CAMKK1: variants seen among roughly 807,000 people sequenced by gnomAD.
CAMKK1 encodes the protein calcium/calmodulin dependent protein kinase kinase 1, also known as calcium/calmodulin-dependent protein kinase kinase 1.
In CAMKK1, 20 loss-of-function variants were observed where a neutral mutation model predicts 63.5. The observed-to-expected ratio is 0.32, with a 90% CI of 0.22 to 0.46. The LOEUF is 0.46. Among genes scored for constraint, CAMKK1 ranks in the 20% least tolerant of loss-of-function variants. The pLI, the probability that CAMKK1 is intolerant of heterozygous loss-of-function variation, is 1.00. For missense variants in CAMKK1, 588 were observed against 658.1 expected, an observed-to-expected ratio of 0.89 and a Z score of 1.17; for synonymous variants, 253 against 269.0, an observed-to-expected ratio of 0.94 and a Z score of 0.58.
Position 3,882,155 on chromosome 17 carries a change from C to T in CAMKK1, c.685+373G>A. 2.7e-6 allele frequency: 2 copies of T among 752,914 alleles called. No homozygotes were observed. Among genetic ancestry groups the T allele is most frequent in the East Asian group, 2.5e-5 (1 of 40,352 alleles). The allele number at this position is 752,914 out of a possible 1,614,324, so 46.6% of individuals were successfully genotyped here. A position where few individuals can be genotyped will look rare whatever the true frequency, so the allele number is the denominator to read the frequency against. The stretch of plus-strand genomic sequence containing the variant: ...TACTCATTTACTCTTCACAGGAACC[C>T]TATGAGGTAGACACCACTAGTATCC... On this transcript the variant is annotated intron_variant, in intron 7 of 15. Transcript: ENST00000348335. The surrounding 1 kb of genome is among the most constrained non-coding windows in gnomAD (Gnocchi z 4.3).
rs1312959899 is a variant in CAMKK1, at chr17:3,870,368, GTTC to G, written c.1125-483_1125-481del. ...CAACTCTCTCTGCCCAAACCCCAGG[GTTC>G]TTTTTTTTTTTTGAGATGGAGTCTC... On this transcript the variant is annotated intron_variant, in intron 12 of 15. Coordinates refer to ENST00000348335, the MANE Select transcript of CAMKK1 (RefSeq NM_032294.3). 3.3e-5 allele frequency among the ~76,000 whole-genome samples: 5 copies of G among 151,212 alleles called. No individual in the cohort carries two copies. The East Asian group carries it at 9.7e-4, about 29-fold the overall frequency.
At chr17:3,866,112 G>A (rs1480257835) in intron 14 of CAMKK1, 101 bp from the exon 15 acceptor site, 20 of 1,412,892 alleles carry the variant, frequency 1.4e-5, no homozygotes, top group African/African-American at 2.8e-5. Flanking sequence ...GGGCCGCAGT[G>A]CGGGTCCCAT....
At chr17:3,869,044 C>T (rs570952675) in intron 14 of CAMKK1, among the ~76,000 whole-genome samples, 2 of 151,656 alleles carry the variant, frequency 1.3e-5, no homozygotes, top group Middle Eastern at 3.4e-3. Context: ...TCTCGGCTCA[C>T]GGCAAACTCC....
At position 3,860,346 on chromosome 17, in the gene CAMKK1, T is replaced by A. The variant is rs1398693513; in HGVS notation, c.*1865A>T. The A allele has an allele frequency of 6.6e-6, 1 of 152,594 alleles. No individual in the cohort carries two copies. Among genetic ancestry groups the A allele is most frequent in the East Asian group, 1.9e-4 (1 of 5,198 alleles). 9.5% of individuals were successfully genotyped at this position (152,594 alleles called of 1,614,324 possible). ...TTTTCTTTTTAACTCAAGAAAGGGC[T>A]TTTATTGTTTTTAACTCACTTCCTG... On this transcript the variant is annotated 3_prime_UTR_variant, in exon 16 of 16. Coordinates refer to ENST00000348335, the MANE Select transcript of CAMKK1 (RefSeq NM_032294.3).
rs1205824971 is a variant in CAMKK1 at position 3,890,298 on chromosome 17, A to G, written c.-44+2641T>C. 1.3e-5 allele frequency among the ~76,000 whole-genome samples: 2 copies of G among 152,040 alleles called. No individual in the cohort carries two copies. The highest frequency in any genetic ancestry group is 2.4e-5 in the African/African-American group (1 of 41,384). On this transcript the variant is annotated intron_variant, in intron 1 of 15. Coordinates refer to ENST00000348335, the MANE Select transcript of CAMKK1 (RefSeq NM_032294.3). The surrounding 1 kb of genome is among the most constrained non-coding windows in gnomAD (Gnocchi z 6.5). ...TGCTGTGAGGACGCCCGCTCCCACC[A>G]TCCCTGGGGAGCCCCCAAGCACCAA...
At chr17:3,873,748 A>G (rs1195711998) in intron 10 of CAMKK1, among the ~76,000 whole-genome samples, 1 of 152,100 alleles carries the variant, frequency 6.6e-6, no homozygotes, top group African/African-American at 2.4e-5. Context: ...TCCTTCATCC[A>G]GAGGGTCACA....
intron 12 of CAMKK1, among the ~76,000 whole-genome samples, chr17:3,871,270 A>G (rs1214675298): frequency 6.6e-6 from 1 of 151,098 alleles, no homozygotes; most frequent in Admixed American, 6.6e-5. Context: ...AAATAAGCAG[A>G]AGAGAGCAGG....
chr17:3,883,266 C>T lies in CAMKK1; in HGVS notation c.515-91G>A. The stretch of plus-strand genomic sequence containing the variant: ...CAGTCTCAAGCAAGAGTCTTGCATG[C>T]CCGTGGTCTTGTCCCAACCCACAGG... On this transcript the variant is annotated intron_variant, in intron 5 of 15. Coordinates refer to ENST00000348335, the MANE Select transcript of CAMKK1 (RefSeq NM_032294.3). This position sits in a 1 kb window ranked among gnomAD's most constrained non-coding sequence, Gnocchi z 4.7. The T allele has an allele frequency of 1.3e-6, 2 of 1,552,750 alleles. No individual in the cohort carries two copies. Among genetic ancestry groups the T allele is most frequent in the Non-Finnish European group, 1.8e-6 (2 of 1,133,194 alleles).
chr17:3,877,391 C>T (rs968199040), intron 9 of CAMKK1, among the ~76,000 whole-genome samples: 1 of 152,124 alleles, frequency 6.6e-6, no homozygotes, highest in Non-Finnish European at 1.5e-5. Flanking sequence ...GGAGGTCTGC[C>T]CTGCTTTCTG....
At position 3,892,090 on chromosome 17, in the gene CAMKK1, C is replaced by T. The variant is rs1018071995; in HGVS notation, c.-44+849G>A. Among the ~76,000 whole-genome samples the T allele has an allele frequency of 6.6e-6, 1 of 150,954 alleles. No individual in the cohort carries two copies. The highest frequency in any genetic ancestry group is 1.9e-4 in the East Asian group (1 of 5,186). ...CCTGGGATCCTCCAGCGCGCACAGG[C>T]TGTGTGCCCCTCCCACACTCCTGTG... On this transcript the variant is annotated intron_variant, in intron 1 of 15. Coordinates refer to ENST00000348335, the MANE Select transcript of CAMKK1 (RefSeq NM_032294.3). This position sits in a 1 kb window ranked among gnomAD's most constrained non-coding sequence, Gnocchi z 7.5.
At position 3,882,381 on chromosome 17, in the gene CAMKK1, G is replaced by A. The variant is rs377420500; in HGVS notation, c.685+147C>T. 1 of 1,606,666 alleles carries A rather than the reference G, an allele frequency of 6.2e-7. No homozygotes were observed. The highest frequency in any genetic ancestry group is 1.7e-5 in the Admixed American group (1 of 59,996). ...CCTGGTTCTGCAGGGCTGGGCAAGG[G>A]AATCCAGGGCTTCAGAACGTGTGTT... On this transcript the variant is annotated intron_variant, in intron 7 of 15. Transcript: ENST00000348335. This position sits in a 1 kb window ranked among gnomAD's most constrained non-coding sequence, Gnocchi z 4.3.
intron 12 of CAMKK1, among the ~76,000 whole-genome samples, chr17:3,871,644 C>A (rs1374798727): frequency 2.0e-5 from 3 of 148,674 alleles, no homozygotes; most frequent in South Asian, 2.1e-4. Context: ...GTGTGAGCCG[C>A]CGCACCCGGC....
In CAMKK1 at chr17:3,861,558, C is replaced by T. The variant is rs150843063; in HGVS notation, c.*653G>A. The T allele has an allele frequency of 3.1e-3, 470 of 152,986 alleles. 1 individual carries two copies. Among genetic ancestry groups the T allele is most frequent in the Non-Finnish European group, 5.1e-3 (352 of 68,484 alleles). 9.5% of individuals were successfully genotyped at this position (152,986 alleles called of 1,614,324 possible). Reference sequence around the variant, plus strand: ...AAATAATCTTGGGCTGTGCTGGGAACCACGGAAGATGTAGGAAAGCTCGTG... The same window carrying T: ...AAATAATCTTGGGCTGTGCTGGGAATCACGGAAGATGTAGGAAAGCTCGTG... On this transcript the variant is annotated 3_prime_UTR_variant, in exon 16 of 16. Coordinates refer to ENST00000348335, the MANE Select transcript of CAMKK1 (RefSeq NM_032294.3).
Position 3,890,420 on chromosome 17 carries a change from C to T in CAMKK1, c.-44+2519G>A, listed in dbSNP as rs2143912379. Among the ~76,000 whole-genome samples the T allele has an allele frequency of 6.6e-6, 1 of 152,300 alleles. No homozygotes were observed. The highest frequency in any genetic ancestry group is 1.9e-4 in the East Asian group (1 of 5,182). On this transcript the variant is annotated intron_variant, in intron 1 of 15. Transcript: ENST00000348335. The surrounding 1 kb of genome is among the most constrained non-coding windows in gnomAD (Gnocchi z 6.5). ...TCTCCAGGCCTCATCCTCTGCCCCT[C>T]CTCATCCTCCACACCAGGTCTGTGC...
In CAMKK1 at chr17:3,883,018, CA is replaced by C; in HGVS notation, c.648+23del. 6.2e-7 allele frequency: 1 copy of C among 1,612,420 alleles called. No individual in the cohort carries two copies. The highest frequency in any genetic ancestry group is 1.3e-5 in the African/African-American group (1 of 75,030). Reference sequence around the variant, plus strand: ...CCCATGAGACTCAGGTGCTGGTTCCCACCTGCTCACCACCACCCCCTACCTC... The same window carrying C: ...CCCATGAGACTCAGGTGCTGGTTCCCCCTGCTCACCACCACCCCCTACCTC... On this transcript the variant is annotated intron_variant, in intron 6 of 15. Coordinates refer to ENST00000348335, the MANE Select transcript of CAMKK1 (RefSeq NM_032294.3). The surrounding 1 kb of genome is among the most constrained non-coding windows in gnomAD (Gnocchi z 4.7).
Position 3,869,933 on chromosome 17 carries a change from G to A in CAMKK1, c.1125-45C>T, listed in dbSNP as rs201706684. The A allele has an allele frequency of 2.7e-6, 4 of 1,491,568 alleles. No individual in the cohort carries two copies. The East Asian group carries it at 9.0e-5, about 34-fold the overall frequency. The allele number at this position is 1,491,568 out of a possible 1,614,324, so 92.4% of individuals were successfully genotyped here. A position where few individuals can be genotyped will look rare whatever the true frequency, so the allele number is the denominator to read the frequency against. The stretch of plus-strand genomic sequence containing the variant: ...GAGAGGAGGGTGGGACCGCTGATGA[G>A]GACCCCTTCCTGTCCACCTCTCTTC... On this transcript the variant is annotated intron_variant, in intron 12 of 15. Transcript: ENST00000348335.
chr17:3,881,736 G>T, intron 7 of CAMKK1, 88 bp from the exon 8 acceptor site: 1 of 1,257,988 alleles, frequency 7.9e-7, no homozygotes, highest in South Asian at 1.3e-5. Flanking sequence ...GGTAGGAGAG[G>T]GGGCAGGCAT....
rs1336335906 is a variant in CAMKK1, at chr17:3,887,742, G to A, written c.-43-2012C>T. On this transcript the variant is annotated intron_variant, in intron 1 of 15. Coordinates refer to ENST00000348335, the MANE Select transcript of CAMKK1 (RefSeq NM_032294.3). This position sits in a 1 kb window ranked among gnomAD's most constrained non-coding sequence, Gnocchi z 6.1. The stretch of plus-strand genomic sequence containing the variant: ...GAGGCCTCCCTGGAGGAGGTGAGAG[G>A]GACAGTGAGTGGGGCTGGAGCTTCG... 6.6e-6 allele frequency among the ~76,000 whole-genome samples: 1 copy of A among 151,880 alleles called. No individual in the cohort carries two copies. The highest frequency in any genetic ancestry group is 1.9e-4 in the East Asian group (1 of 5,170).
At chr17:3,886,983 C>T (rs764475466) in intron 1 of CAMKK1, among the ~76,000 whole-genome samples, 33 of 152,306 alleles carry the variant, frequency 2.2e-4, no homozygotes, top group Non-Finnish European at 4.1e-4. Flanking sequence ...CGAACCCACA[C>T]AGCAACTGAG....
Sources: allele counts gnomAD v4.1 joint callset (sites outside exome capture counted in the v4.1 genomes callset), GRCh38; gene constraint gnomAD v4.1.1; non-coding constraint Gnocchi (gnomAD v3.1); transcripts MANE v1.5; gene names NCBI Gene and HGNC (gene_info 2026-07-23, HGNC 2026-07-21).